The following TBCD variants were observed in gnomAD, a reference collection of about 807,000 sequenced individuals.
TBCD encodes tubulin-specific chaperone D.
TBCD carries 105 observed loss-of-function variants against 169.3 expected under a neutral mutation model. The ratio of observed to expected loss-of-function variants is 0.62; its 90% CI spans 0.53 to 0.73. The LOEUF (loss-of-function observed/expected upper bound fraction) is 0.73. Ranked by LOEUF, TBCD falls within the 30% of genes least tolerant of loss-of-function variation. The pLI, the probability that TBCD is intolerant of heterozygous loss-of-function variation, is 0.00. For missense variants in TBCD, 1,444 were observed against 1,600.1 expected (o/e 0.90, Z 1.66); for synonymous variants, 700 against 643.9 (o/e 1.09, Z -1.32).
In TBCD at chr17:82,800,778, G is replaced by A. The variant is rs1206172004; in HGVS notation, c.818-86G>A. 4 of 1,502,306 alleles carry A rather than the reference G, an allele frequency of 2.7e-6. No homozygotes were observed. In the East Asian group the frequency reaches 9.8e-5, roughly 37 times the overall value. 93.1% of individuals were successfully genotyped at this position (1,502,306 alleles called of 1,614,324 possible). ...TCTCCTGCCTCAAGGCCCCTGTGGA[G>A]CCGGCTGTTGGTTTCGGGGACACAG... is the stretch of plus-strand genomic sequence containing the variant. On this transcript the variant is annotated intron_variant, in intron 8 of 38. Coordinates refer to ENST00000355528, the MANE Select transcript of TBCD (RefSeq NM_005993.5).
chr17:82,885,232 G>A (rs558949826), intron 15 of TBCD, among the ~76,000 whole-genome samples: 1 of 152,166 alleles, frequency 6.6e-6, no homozygotes, highest in South Asian at 2.1e-4. Flanking sequence ...GCTGGGACCG[G>A]TGATGGTTTC....
At chr17:82,887,183 G>C (rs940617354) in intron 15 of TBCD, among the ~76,000 whole-genome samples, 1 of 131,858 alleles carries the variant, frequency 7.6e-6, no homozygotes, top group Non-Finnish European at 1.7e-5. Context: ...GCGCGCGCAC[G>C]TGCGCTCACG....
intron 7 of TBCD, among the ~76,000 whole-genome samples, chr17:82,787,294 G>A (rs957333980): frequency 2.0e-5 from 3 of 152,226 alleles, no homozygotes; most frequent in African/African-American, 7.2e-5. Context: ...ATTGTCTGAC[G>A]CAGCCGGCTG....
At chr17:82,837,290 C>T (rs867171317) in intron 13 of TBCD, among the ~76,000 whole-genome samples, 32 of 152,304 alleles carry the variant, frequency 2.1e-4, no homozygotes, top group Middle Eastern at 3.4e-3. Flanking sequence ...GTGGGCACAG[C>T]GTTTGAAATA....
chr17:82,832,077 C>G lies in TBCD; in HGVS notation c.1318+17143C>G, dbSNP rs539319902. ...CCCTGTGGAGGGCTGGCTTCTGTCC[C>G]AGGCACCTGTGGGTTCCCCGGGCTT... On this transcript the variant is annotated intron_variant, in intron 13 of 38. Coordinates refer to ENST00000355528, the MANE Select transcript of TBCD (RefSeq NM_005993.5). The surrounding 1 kb of genome is among the most constrained non-coding windows in gnomAD (Gnocchi z 4.9). 6.2e-7 allele frequency: 1 copy of G among 1,614,100 alleles called. No individual in the cohort carries two copies. Among genetic ancestry groups the G allele is most frequent in the East Asian group, 2.2e-5 (1 of 44,876 alleles).
Position 82,797,962 on chromosome 17 carries a change from C to CTTTTT in TBCD, c.817+188_817+192dup, listed in dbSNP as rs60671571. 3.8e-3 allele frequency among the ~76,000 whole-genome samples: 187 copies of CTTTTT among 49,020 alleles called. 35 individuals are homozygous for CTTTTT. The highest frequency in any genetic ancestry group is 8.7e-3 in the South Asian group (7 of 806). 32.2% of individuals were successfully genotyped at this position (49,020 alleles called of 152,430 possible). ...TTTGTTGTGGGTTTTAGTAACTGAA[C>CTTTTT]TTTTTTTTTTTTTTTTTTTTTTTTT... is the stretch of plus-strand genomic sequence containing the variant. On this transcript the variant is annotated intron_variant, in intron 8 of 38. Coordinates refer to ENST00000355528, the MANE Select transcript of TBCD (RefSeq NM_005993.5).
At chr17:82,849,875 A>AGGCTGTGCTGCTGTT (rs1208441297) in intron 13 of TBCD, among the ~76,000 whole-genome samples, 5 of 151,874 alleles carry the variant, frequency 3.3e-5, no homozygotes, top group South Asian at 2.1e-4. Context: ...GCAGCTCTTG[A>AGGCTGTGCTGCTGTT]GGCTGTGCTG....
intron 17 of TBCD, among the ~76,000 whole-genome samples, chr17:82,896,391 T>C (rs936903077): frequency 1.3e-5 from 2 of 151,756 alleles, no homozygotes; most frequent in Non-Finnish European, 2.9e-5. Context: ...TACACATCTG[T>C]CTTTGGGCCT....
chr17:82,803,191 G>A (rs951472546), intron 9 of TBCD, among the ~76,000 whole-genome samples: 4 of 152,168 alleles, frequency 2.6e-5, no homozygotes, highest in Non-Finnish European at 4.4e-5. Context: ...GCCTTGGCTC[G>A]AGGCTTTGTT....
At chr17:82,828,598 ACACCCGCAGGTACGCACACATGCACACC>A (rs2053163117) in intron 13 of TBCD, among the ~76,000 whole-genome samples, 1 of 145,874 alleles carries the variant, frequency 6.9e-6, no homozygotes, top group African/African-American at 2.5e-5. Context: ...GAATGCACAC[ACACCCGCAGGTACGCACACATGCACACC>A]CACACAATCG....
At chr17:82,894,908 C>T (rs920739689) in intron 17 of TBCD, among the ~76,000 whole-genome samples, 1 of 152,118 alleles carries the variant, frequency 6.6e-6, no homozygotes, top group Admixed American at 6.5e-5. Flanking sequence ...GCCCGGGAAG[C>T]GGAGGCTGCA....
At chr17:82,939,217 C>T (rs2062912654) in intron 36 of TBCD, 150 bp from the exon 37 acceptor site, 2 of 682,308 alleles carry the variant, frequency 2.9e-6, no homozygotes, top group Non-Finnish European at 2.6e-6. Context: ...CTCTTGGTTG[C>T]AGCCCTGCTG....
intron 7 of TBCD, among the ~76,000 whole-genome samples, chr17:82,797,335 G>A (rs2050172744): frequency 6.6e-6 from 1 of 152,242 alleles, no homozygotes; most frequent in African/African-American, 2.4e-5. Context: ...GAATGCAGAT[G>A]GAGGCCTTTG....
intron 26 of TBCD, among the ~76,000 whole-genome samples, chr17:82,924,678 G>T (rs1340308607): frequency 2.0e-5 from 3 of 152,208 alleles, no homozygotes; most frequent in Non-Finnish European, 4.4e-5. Context: ...GAGGCTGAGT[G>T]TGGGGTTGAG....
At chr17:82,767,687 T>C (rs541486141) in intron 4 of TBCD, among the ~76,000 whole-genome samples, 107 of 152,236 alleles carry the variant, frequency 7.0e-4, no homozygotes, top group Non-Finnish European at 5.0e-4. Context: ...CCAGGCACGG[T>C]GGCTCGTGCC....
chr17:82,927,104 A>G (rs1364296039), intron 28 of TBCD, 82 bp from the exon 29 acceptor site: 1 of 1,576,634 alleles, frequency 6.3e-7, no homozygotes, highest in Non-Finnish European at 8.6e-7. Flanking sequence ...TCTCAGGATC[A>G]GGAACACACA....
At chr17:82,802,166 G>A (rs2050619270) in intron 9 of TBCD, among the ~76,000 whole-genome samples, 1 of 122,468 alleles carries the variant, frequency 8.2e-6, no homozygotes, top group Admixed American at 8.7e-5. Flanking sequence ...CAGAAATGAT[G>A]TCTTAGCAGT....
intron 13 of TBCD, among the ~76,000 whole-genome samples, chr17:82,854,606 G>A (rs540163264): frequency 1.3e-5 from 2 of 152,206 alleles, no homozygotes; most frequent in Non-Finnish European, 2.9e-5. Context: ...ACTTGTATGG[G>A]TAACAGTGGT....
intron 7 of TBCD, among the ~76,000 whole-genome samples, chr17:82,787,168 G>A (rs2049378010): frequency 1.3e-5 from 2 of 152,336 alleles, no homozygotes; most frequent in Admixed American, 1.3e-4. Flanking sequence ...CCACCCCCCG[G>A]CATATGCTGG....
Sources: allele counts gnomAD v4.1 joint callset (sites outside exome capture counted in the v4.1 genomes callset), GRCh38; gene constraint gnomAD v4.1.1; non-coding constraint Gnocchi (gnomAD v3.1); transcripts MANE v1.5; gene names NCBI Gene and HGNC (gene_info 2026-07-23, HGNC 2026-07-21).